Variants in UBR3 observed in about 807,000 individuals in gnomAD.
UBR3 encodes ubiquitin protein ligase E3 component n-recognin 3.
UBR3 carries 85 observed loss-of-function variants against 243.2 expected under a neutral mutation model. The ratio of observed to expected loss-of-function variants is 0.35; its 90% CI spans 0.29 to 0.42. UBR3 has a LOEUF of 0.42. Among genes scored for constraint, UBR3 ranks in the 10% least tolerant of loss-of-function variants. The probability of loss-of-function intolerance (pLI) is 1.00; values close to 1 mark genes in which losing one functional copy is unlikely to be tolerated. For missense variants in UBR3, 1,686 were observed against 2,300.8 expected, an observed-to-expected ratio of 0.73 and a Z score of 5.47; for synonymous variants, 748 against 799.8, an observed-to-expected ratio of 0.94 and a Z score of 1.09.
chr2:169,897,834 CCTG>C (rs1275587912), intron 8 of UBR3, among the ~76,000 whole-genome samples: 1 of 152,168 alleles, frequency 6.6e-6, no homozygotes, highest in Non-Finnish European at 1.5e-5. Flanking sequence ...TTGCTATGTA[CCTG>C]GTACTGTGCT....
At chr2:169,978,247 G>A (rs1283002573) in intron 24 of UBR3, among the ~76,000 whole-genome samples, 2 of 152,184 alleles carry the variant, frequency 1.3e-5, no homozygotes, top group Non-Finnish European at 2.9e-5. Flanking sequence ...TTCATGGACT[G>A]TGAGTACCAG....
intron 17 of UBR3, 86 bp from the exon 18 acceptor site, chr2:169,928,641 C>A: frequency 2.6e-6 from 3 of 1,141,040 alleles, no homozygotes; most frequent in South Asian, 2.4e-5. Flanking sequence ...TTGTCTACTT[C>A]AGCAAAATGA....
chr2:169,837,633 C>G (rs529271946), intron 1 of UBR3, among the ~76,000 whole-genome samples: 1 of 152,294 alleles, frequency 6.6e-6, no homozygotes, highest in East Asian at 1.9e-4. Flanking sequence ...GAGAAGCGAG[C>G]AGGGGAAATG....
chr2:170,034,709 A>T (rs1328912069), intron 31 of UBR3, among the ~76,000 whole-genome samples: 9 of 152,054 alleles, frequency 5.9e-5, no homozygotes, highest in Non-Finnish European at 1.0e-4. Flanking sequence ...TTACTGGATC[A>T]TATAGTAATA....
At chr2:169,859,818 G>A (rs2083025322) in intron 1 of UBR3, among the ~76,000 whole-genome samples, 1 of 152,064 alleles carries the variant, frequency 6.6e-6, no homozygotes, top group African/African-American at 2.4e-5. Flanking sequence ...CTGGGTTCAA[G>A]CGATTCTTCT....
At chr2:170,006,275 T>A (rs889665004) in intron 27 of UBR3, among the ~76,000 whole-genome samples, 6 of 152,198 alleles carry the variant, frequency 3.9e-5, no homozygotes, top group Non-Finnish European at 5.9e-5. Flanking sequence ...GAAGGAAAAA[T>A]GTATCTTAAC....
intron 27 of UBR3, among the ~76,000 whole-genome samples, chr2:170,004,624 T>C (rs11691281): frequency 1.3e-5 from 2 of 151,824 alleles, no homozygotes; most frequent in African/African-American, 2.4e-5. Flanking sequence ...AAAAACCACT[T>C]TGGGGGCCAG....
chr2:170,072,123 A>G (rs7423930), intron 35 of UBR3, among the ~76,000 whole-genome samples: 128,234 of 151,974 alleles, frequency 0.84, 54,446 homozygotes, highest in African/African-American at 0.91. Context: ...ATATGCACAC[A>G]TATGTTTATT....
In UBR3 at chr2:170,080,580, C is replaced by T; in HGVS notation, c.5445C>T (p.Phe1815=). 2 of 1,613,730 alleles carry T rather than the reference C, an allele frequency of 1.2e-6. No individual in the cohort carries two copies. The highest frequency in any genetic ancestry group is 1.7e-6 in the Non-Finnish European group (2 of 1,179,818). Residue 1815 remains phenylalanine (F), a synonymous_variant, in exon 38 of 39, where the codon TTC becomes TTT. Coordinates refer to ENST00000272793, the MANE Select transcript of UBR3 (RefSeq NM_172070.4). ...ACTGTGGTGCAGGAACAGGTATTTTCCTTTTGATCAATGCATCGGTAATTA... is the reference window on the plus strand; with the variant it reads ...ACTGTGGTGCAGGAACAGGTATTTTTCTTTTGATCAATGCATCGGTAATTA... ...SQNCGAGTGI[F]LLINASVIII... is the part of the protein sequence containing the mutation.
At chr2:169,840,052 T>C (rs1574015671) in intron 1 of UBR3, among the ~76,000 whole-genome samples, 1 of 152,320 alleles carries the variant, frequency 6.6e-6, no homozygotes, top group South Asian at 2.1e-4. Context: ...TTTGTTGTGC[T>C]TATCTGGGAG....
intron 2 of UBR3, among the ~76,000 whole-genome samples, chr2:169,874,733 T>C (rs1048555128): frequency 6.6e-6 from 1 of 152,198 alleles, no homozygotes; most frequent in Non-Finnish European, 1.5e-5. Context: ...TTGAATAATA[T>C]ATAACATTAG....
At chr2:169,863,399 A>C (rs6704908) in intron 1 of UBR3, among the ~76,000 whole-genome samples, 3,392 of 152,280 alleles carry the variant, frequency 0.022, 113 homozygotes, top group African/African-American at 0.076. Context: ...TAAAATGATG[A>C]TGTCAAACAA....
intron 1 of UBR3, among the ~76,000 whole-genome samples, chr2:169,838,648 G>A (rs1242718059): frequency 6.6e-6 from 1 of 152,104 alleles, no homozygotes; most frequent in Non-Finnish European, 1.5e-5. Flanking sequence ...GTTCAGACTG[G>A]TGCTCTGCCT....
At chr2:170,015,453 A>G (rs551683412) in intron 30 of UBR3, 87 bp downstream of exon 30, 6 of 1,089,282 alleles carry the variant, frequency 5.5e-6, no homozygotes, top group Non-Finnish European at 8.1e-6. Flanking sequence ...GTATATTTCA[A>G]ATTTTGTCTG....
chr2:170,002,471 A>G (rs917277976), intron 27 of UBR3, among the ~76,000 whole-genome samples: 2 of 152,110 alleles, frequency 1.3e-5, no homozygotes, highest in African/African-American at 4.8e-5. Flanking sequence ...TTCCTTTGTC[A>G]TTAAGAAAAC....
chr2:169,986,455 A>T (rs2089007136), intron 24 of UBR3, among the ~76,000 whole-genome samples, 190 bp from the exon 25 acceptor site: 1 of 152,228 alleles, frequency 6.6e-6, no homozygotes, highest in Non-Finnish European at 1.5e-5. Flanking sequence ...TTTCATTATT[A>T]AAGTCTTTGC....
chr2:169,908,230 G>A (rs1268610503), intron 10 of UBR3, among the ~76,000 whole-genome samples: 1 of 152,192 alleles, frequency 6.6e-6, no homozygotes, highest in Non-Finnish European at 1.5e-5. Context: ...AAATATGTAT[G>A]CATAAGCCCC....
chr2:169,830,668 A>T (rs779062499), intron 1 of UBR3, among the ~76,000 whole-genome samples: 6 of 150,174 alleles, frequency 4.0e-5, no homozygotes, highest in Non-Finnish European at 5.9e-5. Context: ...TTTTTTCCTT[A>T]ATATGCTATT....
intron 24 of UBR3, among the ~76,000 whole-genome samples, chr2:169,974,228 G>A (rs879735854): frequency 6.6e-6 from 1 of 152,138 alleles, no homozygotes; most frequent in Non-Finnish European, 1.5e-5. Flanking sequence ...TTCTGGAAGA[G>A]TTTGAGAAGA....
Sources: gnomAD v4.1 joint callset for allele counts (sites outside exome capture counted in the v4.1 genomes callset) on GRCh38, gnomAD v4.1.1 for gene constraint, MANE v1.5 for transcripts, NCBI Gene and HGNC (gene_info 2026-07-23, HGNC 2026-07-21) for gene names.